Variants in LYPD5 observed in about 807,000 individuals in gnomAD.
LYPD5 encodes the protein ly6/PLAUR domain-containing protein 5.
A neutral mutation model predicts 19.1 loss-of-function variants in LYPD5; 21 were observed. That is an observed-to-expected ratio of 1.10 (90% CI 0.78 to 1.58). The LOEUF (loss-of-function observed/expected upper bound fraction) is 1.58, where lower values mean the gene tolerates loss of function less well. Ranked by LOEUF, LYPD5 falls within the 40% of genes most tolerant of loss-of-function variation. LYPD5 has a pLI of 0.00. For missense variants in LYPD5, 287 were observed against 329.8 expected, an observed-to-expected ratio of 0.87 and a Z score of 1.00; for synonymous variants, 128 against 142.7, an observed-to-expected ratio of 0.90 and a Z score of 0.74.
At chr19:43,809,467 G>A (rs532321031) in intron 1 of LYPD5, among the ~76,000 whole-genome samples, 133 of 151,218 alleles carry the variant, frequency 8.8e-4, no homozygotes, top group African/African-American at 3.1e-3. Flanking sequence ...TGCAACCTTC[G>A]CCTCCCGGGT....
upstream of LYPD5, among the ~76,000 whole-genome samples, chr19:43,807,440 C>T (rs549775510): frequency 9.2e-5 from 14 of 152,138 alleles, no homozygotes; most frequent in South Asian, 2.1e-4. Flanking sequence ...CCTGCCACCA[C>T]GCCCAGCTAA....
chr19:43,799,141 C>T (rs1282526351), intron 2 of LYPD5, 153 bp from the exon 3 acceptor site: 14 of 816,656 alleles, frequency 1.7e-5, no homozygotes, highest in African/African-American at 3.9e-5. Context: ...CCTTTTCCCC[C>T]GAGTTCTTCT....
upstream of LYPD5, among the ~76,000 whole-genome samples, chr19:43,804,957 CT>C (rs1335528631): frequency 6.6e-6 from 1 of 152,180 alleles, no homozygotes; most frequent in African/African-American, 2.4e-5. Context: ...ACTTTTGATT[CT>C]GGTATCATTC....
chr19:43,799,924 G>A (rs1970201226), intron 1 of LYPD5, 90 bp from the exon 2 acceptor site: 2 of 1,435,422 alleles, frequency 1.4e-6, no homozygotes, highest in African/African-American at 1.4e-5. Flanking sequence ...CAGGCACACG[G>A]GCCTGGCCCC....
At chr19:43,799,887 G>A (rs1402294200) in intron 1 of LYPD5, 53 bp from the exon 2 acceptor site, 3 of 1,547,852 alleles carry the variant, frequency 1.9e-6, no homozygotes, top group Admixed American at 4.0e-5. Flanking sequence ...CCTGTCCCAG[G>A]AACTCAGAGC....
At chr19:43,805,948 G>C (rs1402638595), upstream of LYPD5, among the ~76,000 whole-genome samples, 2 of 152,106 alleles carry the variant, frequency 1.3e-5, no homozygotes, top group African/African-American at 4.8e-5. Context: ...TTTTCATCTT[G>C]CAAAACTGAA....
At chr19:43,815,209 G>A (rs1970360553) in intron 1 of LYPD5, among the ~76,000 whole-genome samples, 1 of 152,012 alleles carries the variant, frequency 6.6e-6, no homozygotes, top group Admixed American at 6.6e-5. Flanking sequence ...AAATGAGTCA[G>A]AACAAAATTC....
intron 1 of LYPD5, among the ~76,000 whole-genome samples, chr19:43,808,618 T>G (rs930799051): frequency 5.3e-5 from 8 of 152,220 alleles, no homozygotes; most frequent in African/African-American, 1.4e-4. Flanking sequence ...TACCCAAAAG[T>G]GGAAGGAGTA....
chr19:43,815,881 G>A (rs1970368792), intron 1 of LYPD5: 2 of 190,382 alleles, frequency 1.1e-5, no homozygotes, highest in South Asian at 1.6e-4. Context: ...GGGACTACAG[G>A]TGTGCACCAC....
intron 1 of LYPD5, among the ~76,000 whole-genome samples, chr19:43,812,157 G>T (rs1970329098): frequency 6.6e-6 from 1 of 151,966 alleles, no homozygotes; most frequent in Admixed American, 6.5e-5. Flanking sequence ...TTCCAAAGGG[G>T]AGCAAAAAAG....
intron 1 of LYPD5, among the ~76,000 whole-genome samples, chr19:43,813,225 T>C (rs991593255): frequency 2.0e-5 from 3 of 152,152 alleles, no homozygotes; most frequent in African/African-American, 7.2e-5. Context: ...TTGATTAGTT[T>C]CAGTGAAAGG....
chr19:43,802,541 A>ATTCAT, upstream of LYPD5: 1 of 468,370 alleles, frequency 2.1e-6, no homozygotes, highest in Admixed American at 3.8e-5. Flanking sequence ...ATCGTGATGG[A>ATTCAT]AACAGGGTGA....
intron 1 of LYPD5, among the ~76,000 whole-genome samples, chr19:43,800,724 G>A (rs1970212064): frequency 6.6e-6 from 1 of 152,170 alleles, no homozygotes; most frequent in Non-Finnish European, 1.5e-5. Context: ...CACTTTGGGA[G>A]GCTGAAGCAG....
At chr19:43,807,786 C>A (rs995258896) in intron 1 of LYPD5, among the ~76,000 whole-genome samples, 1 of 152,162 alleles carries the variant, frequency 6.6e-6, no homozygotes, top group Non-Finnish European at 1.5e-5. Context: ...GTTCAGTGCA[C>A]CCCAGGGGGA....
intron 1 of LYPD5, chr19:43,820,532 A>C (rs1599700593): frequency 7.8e-6 from 1 of 128,732 alleles, no homozygotes. Context: ...TGCTTCTCCC[A>C]CCCTTACCCG....
At chr19:43,798,352 C>T in intron 4 of LYPD5, 103 bp downstream of exon 4, 1 of 1,405,002 alleles carries the variant, frequency 7.1e-7, no homozygotes, top group South Asian at 1.2e-5. Context: ...CACCTCAGAG[C>T]AGGGCCATGT....
upstream of LYPD5, among the ~76,000 whole-genome samples, chr19:43,806,638 G>A (rs530034859): frequency 1.4e-4 from 21 of 151,522 alleles, no homozygotes; most frequent in African/African-American, 4.9e-4. Context: ...TCCAGCCTGG[G>A]CGACACAGCA....
chr19:43,820,573 C>T (rs994751937), exon 1 of LYPD5: 5 of 152,362 alleles, frequency 3.3e-5, no homozygotes, highest in Non-Finnish European at 5.9e-5. Context: ...GTCCGCAACG[C>T]CCTCTGCGCC....
chr19:43,801,024 A>AGATACAT (rs1266023452), intron 1 of LYPD5, among the ~76,000 whole-genome samples: 1 of 132,968 alleles, frequency 7.5e-6, no homozygotes, highest in Non-Finnish European at 1.7e-5. Context: ...CATGTAACAC[A>AGATACAT]GATACATGGA....
Sources: allele counts gnomAD v4.1 joint callset (sites outside exome capture counted in the v4.1 genomes callset), GRCh38; gene constraint gnomAD v4.1.1; transcripts MANE v1.5; gene names NCBI Gene and HGNC (gene_info 2026-07-23, HGNC 2026-07-21).